Variants in PLAC1 observed in about 807,000 individuals in gnomAD.
PLAC1 encodes placenta-specific protein 1.
For missense variants in PLAC1, 136 were observed against 163.2 expected, an observed-to-expected ratio of 0.83 and a Z score of 0.91; for synonymous variants, 68 against 62.1, an observed-to-expected ratio of 1.09 and a Z score of -0.44.
intron 2 of PLAC1, among the ~76,000 whole-genome samples, chrX:134,678,854 G>T (rs115683341): frequency 0.013 from 1,343 of 102,532 alleles, 24 homozygotes; most frequent in African/African-American, 0.046. Flanking sequence ...TTATATAGGT[G>T]GCCTCTAAGT....
chrX:134,588,170 T>C (rs1028115713), intron 2 of PLAC1, among the ~76,000 whole-genome samples: 4 of 111,370 alleles, frequency 3.6e-5, no homozygotes, highest in Non-Finnish European at 7.5e-5. Context: ...ATGATTTGAT[T>C]AGCTTACCCC....
intron 2 of PLAC1, among the ~76,000 whole-genome samples, chrX:134,670,567 AGCTG>A (rs1289708668): frequency 9.0e-6 from 1 of 111,077 alleles, no homozygotes; most frequent in African/African-American, 3.3e-5. Flanking sequence ...CAGCCTGCCT[AGCTG>A]GCTGAGTTCA....
chrX:134,674,834 A>G (rs2078467775), intron 2 of PLAC1, among the ~76,000 whole-genome samples: 1 of 112,570 alleles, frequency 8.9e-6, no homozygotes, highest in Admixed American at 9.4e-5. Flanking sequence ...ACAGCTGGCA[A>G]TACAGATCAG....
At chrX:134,585,437 C>A (rs2077995718) in intron 2 of PLAC1, among the ~76,000 whole-genome samples, 1 of 111,263 alleles carries the variant, frequency 9.0e-6, no homozygotes, top group African/African-American at 3.3e-5. Flanking sequence ...CACATCATCT[C>A]TGCCTTGAGT....
intron 1 of PLAC1, among the ~76,000 whole-genome samples, chrX:134,738,611 C>T (rs1337084092): frequency 8.9e-6 from 1 of 112,376 alleles, no homozygotes; most frequent in Non-Finnish European, 1.9e-5. Context: ...GGTGACCAGA[C>T]AGCTCATGGA....
chrX:134,676,606 G>A (rs1178643341), intron 2 of PLAC1, among the ~76,000 whole-genome samples: 1 of 112,204 alleles, frequency 8.9e-6, no homozygotes, highest in African/African-American at 3.2e-5. Context: ...CTTTTATGTA[G>A]GCAGCATACT....
intron 1 of PLAC1, among the ~76,000 whole-genome samples, chrX:134,625,610 T>C (rs2078232872): frequency 9.0e-6 from 1 of 111,549 alleles, no homozygotes; most frequent in African/African-American, 3.3e-5. Flanking sequence ...CAGATCACCA[T>C]GAACAGTCAC....
At chrX:134,570,055 C>G (rs2077900356) in intron 2 of PLAC1, among the ~76,000 whole-genome samples, 2 of 111,445 alleles carry the variant, frequency 1.8e-5, no homozygotes, top group Non-Finnish European at 1.9e-5. Flanking sequence ...CTCTCGAACT[C>G]CTGACCTCAG....
At chrX:134,577,649 C>G (rs1190415846) in intron 2 of PLAC1, among the ~76,000 whole-genome samples, 1 of 110,046 alleles carries the variant, frequency 9.1e-6, no homozygotes, top group Admixed American at 9.7e-5. Flanking sequence ...GGTCGCGCCA[C>G]TGCACTCCAG....
At chrX:134,640,871 G>T (rs1375547634) in intron 1 of PLAC1, among the ~76,000 whole-genome samples, 1 of 112,138 alleles carries the variant, frequency 8.9e-6, no homozygotes, top group African/African-American at 3.2e-5. Flanking sequence ...CAAAGGTTTG[G>T]GACGCTGAGG....
At chrX:134,750,895 A>T (rs1321583602) in intron 1 of PLAC1, among the ~76,000 whole-genome samples, 1 of 11,218 alleles carries the variant, frequency 8.9e-5, no homozygotes, top group African/African-American at 4.9e-4. Context: ...ATATATATAT[A>T]TATTTATATA....
At chrX:134,694,288 C>G (rs2078554815) in intron 2 of PLAC1, among the ~76,000 whole-genome samples, 1 of 111,468 alleles carries the variant, frequency 9.0e-6, no homozygotes, top group African/African-American at 3.3e-5. Context: ...TTTTTTTCAG[C>G]AAGTTTAAGG....
At chrX:134,690,774 A>G (rs1319009220) in intron 2 of PLAC1, among the ~76,000 whole-genome samples, 1 of 104,691 alleles carries the variant, frequency 9.6e-6, no homozygotes, top group Admixed American at 1.1e-4. Flanking sequence ...TCTACTAAAA[A>G]TACAAAAAAT....
chrX:134,714,937 AACT>A (rs2078639052), intron 2 of PLAC1, among the ~76,000 whole-genome samples: 1 of 111,757 alleles, frequency 8.9e-6, no homozygotes. Flanking sequence ...CTCGCCTTTG[AACT>A]GTGTAAACAT....
At chrX:134,727,608 A>G (rs763604439) in intron 2 of PLAC1, among the ~76,000 whole-genome samples, 4 of 112,251 alleles carry the variant, frequency 3.6e-5, no homozygotes, top group African/African-American at 1.3e-4. Context: ...TAGAAGTTCA[A>G]ACAGAATATG....
chrX:134,586,839 T>TTGTGTGTGTGTGTGTGTGTG (rs757041226), intron 2 of PLAC1, among the ~76,000 whole-genome samples: 75 of 76,628 alleles, frequency 9.8e-4, no homozygotes, highest in African/African-American at 2.6e-3. Context: ...CCCAGCTAAT[T>TTGTGTGTGTGTGTGTGTGTG]TGTGTGTGTG....
chrX:134,685,254 C>T (rs1274588238), intron 2 of PLAC1, among the ~76,000 whole-genome samples: 1 of 111,405 alleles, frequency 9.0e-6, no homozygotes, highest in Non-Finnish European at 1.9e-5. Context: ...TGGGCTGAGG[C>T]TTGCAGTGAA....
chrX:134,577,747 A>ATGTG (rs1431273450), intron 2 of PLAC1, among the ~76,000 whole-genome samples: 1 of 78,598 alleles, frequency 1.3e-5, no homozygotes, highest in Admixed American at 1.6e-4. Context: ...GTGTGCATGC[A>ATGTG]TGCGTGTGTG....
chrX:134,667,437 A>G (rs2078440958), intron 2 of PLAC1, among the ~76,000 whole-genome samples: 1 of 112,393 alleles, frequency 8.9e-6, no homozygotes, highest in Non-Finnish European at 1.9e-5. Flanking sequence ...GCTCGACATC[A>G]ATAATTAGGG....
Sources: gnomAD v4.1 joint callset for allele counts (sites outside exome capture counted in the v4.1 genomes callset) on GRCh38, gnomAD v4.1.1 for gene constraint, MANE v1.5 for transcripts, NCBI Gene and HGNC (gene_info 2026-07-23, HGNC 2026-07-21) for gene names.